The following FBXO10 variants were observed in gnomAD, a reference collection of about 807,000 sequenced individuals.
FBXO10 encodes the protein F-box only protein 10.
FBXO10 carries 39 observed loss-of-function variants against 80.7 expected under a neutral mutation model. The ratio of observed to expected loss-of-function variants is 0.48; its 90% confidence interval spans 0.37 to 0.63. FBXO10 has a LOEUF of 0.63. Ranked by LOEUF, FBXO10 falls within the 30% of genes least tolerant of loss-of-function variation. The probability of loss-of-function intolerance (pLI) is 0.00; values close to 1 mark genes in which losing one functional copy is unlikely to be tolerated. For synonymous variants in FBXO10, 449 were observed against 489.6 expected, an observed-to-expected ratio of 0.92 and a Z score of 1.09; for missense variants, 1,025 against 1,269.0, an observed-to-expected ratio of 0.81 and a Z score of 2.92.
At chr9:37,522,647 T>G (rs532730550) in intron 7 of FBXO10, among the ~76,000 whole-genome samples, 178 bp downstream of exon 7, 1 of 152,246 alleles carries the variant, frequency 6.6e-6, no homozygotes, top group African/African-American at 2.4e-5. Context: ...TGGACTACAA[T>G]GTGATTTGTA....
At chr9:37,568,693 C>CGTGGTCTAAGGTCGGAGTTCAT (rs1216114683) in intron 1 of FBXO10, among the ~76,000 whole-genome samples, 3 of 151,482 alleles carry the variant, frequency 2.0e-5, no homozygotes, top group East Asian at 3.9e-4. Context: ...TCGGAGTTCA[C>CGTGGTCTAAGGTCGGAGTTCAT]GTGGTCTAAG....
chr9:37,573,297 A>T (rs1020922878), intron 1 of FBXO10, among the ~76,000 whole-genome samples: 1 of 152,136 alleles, frequency 6.6e-6, no homozygotes, highest in Non-Finnish European at 1.5e-5. Context: ...CCTAAAAGAG[A>T]ACTCTCCAGG....
intron 1 of FBXO10, among the ~76,000 whole-genome samples, chr9:37,561,120 C>T (rs12338767): frequency 0.041 from 6,197 of 149,590 alleles, 432 homozygotes; most frequent in African/African-American, 0.14. Context: ...CTAGCCTGGG[C>T]GAAAGAGCAA....
rs906042959 is a variant in FBXO10 at position 37,517,958 on chromosome 9, T to C, written c.2514+167A>G. ...AGGACTCAGCTTCTCCGTCCCCCCC[T>C]GTGGGAAGTCCCACCCACATTTCCC... On this transcript the variant is annotated intron_variant, in intron 9 of 10. Transcript: ENST00000432825. Among the ~76,000 whole-genome samples the C allele has an allele frequency of 7.0e-5, 9 of 128,588 alleles. No homozygotes were observed. In the South Asian group the frequency reaches 2.5e-3, roughly 35 times the overall value. 84.4% of individuals were successfully genotyped at this position (128,588 alleles called of 152,430 possible).
intron 10 of FBXO10, among the ~76,000 whole-genome samples, chr9:37,514,464 A>G (rs1052246920): frequency 6.6e-6 from 1 of 152,152 alleles, no homozygotes; most frequent in Non-Finnish European, 1.5e-5. Flanking sequence ...TTTTAACTGT[A>G]TACTTTAAAA....
In FBXO10 at chr9:37,537,130, G is replaced by A. The variant is rs765592304; in HGVS notation, c.1399C>T (p.Arg467Trp). The A allele has an allele frequency of 7.4e-6, 12 of 1,612,244 alleles. No individual in the cohort carries two copies. Among genetic ancestry groups the A allele is most frequent in the African/African-American group, 5.3e-5 (4 of 74,920 alleles). ...NIFRNLTYAVRCIHNSKIIML... is the reference protein window; with the variant it reads ...NIFRNLTYAVWCIHNSKIIML... ...AGCACCTTGCTATTATGTATACACC[G>A]CACTGCGTAAGTCAGGTTCCGGAAG... Residue 467 changes from arginine (R) to tryptophan (W), a missense_variant, in exon 3 of 11, where the codon CGG (arginine) becomes TGG (tryptophan). Physicochemically the swap from Arg to Trp is moderately radical, Grantham distance 101. Around this residue, in one of 3 missense-constraint regions of FBXO10, gnomAD observed 478 missense variants for 667.8 expected, o/e 0.72. Coordinates refer to ENST00000432825, the MANE Select transcript of FBXO10 (RefSeq NM_012166.3).
chr9:37,532,386 C>T (rs960409915), intron 3 of FBXO10, among the ~76,000 whole-genome samples: 19 of 151,448 alleles, frequency 1.3e-4, no homozygotes, highest in Non-Finnish European at 2.1e-4. Flanking sequence ...CTGCAAGCTC[C>T]GCCTCCCAGG....
At chr9:37,558,929 G>A (rs1822405421) in intron 1 of FBXO10, among the ~76,000 whole-genome samples, 2 of 151,796 alleles carry the variant, frequency 1.3e-5, no homozygotes, top group Non-Finnish European at 2.9e-5. Flanking sequence ...TCCTGCCTCA[G>A]CCTCCCGAGT....
chr9:37,561,574 C>G (rs1822484367), intron 1 of FBXO10, among the ~76,000 whole-genome samples: 3 of 152,172 alleles, frequency 2.0e-5, no homozygotes, highest in African/African-American at 7.2e-5. Context: ...GAACCTATTT[C>G]CTTGCCTCTA....
intron 9 of FBXO10, among the ~76,000 whole-genome samples, chr9:37,517,501 G>C (rs932776339): frequency 2.0e-5 from 2 of 99,714 alleles, no homozygotes; most frequent in African/African-American, 1.2e-4. Context: ...GGTGAAGGAA[G>C]AGATACCAAG....
intron 1 of FBXO10, among the ~76,000 whole-genome samples, chr9:37,560,510 C>G (rs1822450817): frequency 6.6e-6 from 1 of 152,148 alleles, no homozygotes; most frequent in African/African-American, 2.4e-5. Flanking sequence ...CAATTGCCCC[C>G]TCTTGACTCC....
chr9:37,515,295 T>G (rs1821154893), intron 10 of FBXO10: 1 of 152,676 alleles, frequency 6.5e-6, no homozygotes, highest in Non-Finnish European at 1.5e-5. Context: ...TGAATTAGGA[T>G]GGGGGCAGTT....
chr9:37,529,092 CA>C, intron 5 of FBXO10, 31 bp downstream of exon 5: 2 of 1,613,048 alleles, frequency 1.2e-6, no homozygotes, highest in Non-Finnish European at 1.7e-6. Context: ...AGGAGGTTAA[CA>C]AAGATGAAGG....
chr9:37,523,573 T>C (rs1821394660), intron 6 of FBXO10, among the ~76,000 whole-genome samples: 1 of 151,894 alleles, frequency 6.6e-6, no homozygotes, highest in Admixed American at 6.6e-5. Flanking sequence ...ATAAACTAGC[T>C]TTGGTGAGTG....
At position 37,541,469 on chromosome 9, in the gene FBXO10, T is replaced by C. The variant is rs753714562; in HGVS notation, c.300A>G (p.Leu100=). 10 of 1,613,862 alleles carry C rather than the reference T, an allele frequency of 6.2e-6. No homozygotes were observed. Among genetic ancestry groups the C allele is most frequent in the South Asian group, 2.2e-5 (2 of 91,092 alleles). The change falls in exon 2 of 11, where the codon CTA becomes CTG. Residue 100 remains leucine, a synonymous_variant. Coordinates refer to ENST00000432825, the MANE Select transcript of FBXO10 (RefSeq NM_012166.3). ...TACGTCGTTCCCTCCTCCGGCGGAA[T>C]AGAGAAAAGCAGATGGAAGACTCCA... ...LDLESSICFS[L]FRRRRERRTL...
At chr9:37,517,039 A>G (rs4878157) in intron 9 of FBXO10, among the ~76,000 whole-genome samples, 69,923 of 151,590 alleles carry the variant, frequency 0.46, 18,467 homozygotes, top group African/African-American at 0.74. Context: ...ATGAAATAAC[A>G]GCCTTTGCAG....
At chr9:37,529,025 C>A (rs1821547094) in intron 5 of FBXO10, 99 bp downstream of exon 5, 1 of 1,482,744 alleles carries the variant, frequency 6.7e-7, no homozygotes, top group South Asian at 1.3e-5. Flanking sequence ...CTCTTCTCTG[C>A]TTGCATCTGT....
intron 1 of FBXO10, among the ~76,000 whole-genome samples, chr9:37,571,032 A>G (rs1238151481): frequency 6.6e-6 from 1 of 152,146 alleles, no homozygotes; most frequent in Non-Finnish European, 1.5e-5. Context: ...TTATATAAGT[A>G]AATATGAAGG....
At chr9:37,515,694 C>A (rs577124726) in intron 10 of FBXO10, 6 of 525,538 alleles carry the variant, frequency 1.1e-5, no homozygotes, top group African/African-American at 7.8e-5. Flanking sequence ...AAACCACATA[C>A]CCCTGACTCT....
Sources: allele counts gnomAD v4.1 joint callset (sites outside exome capture counted in the v4.1 genomes callset), GRCh38; gene constraint gnomAD v4.1.1; regional missense constraint gnomAD v4.1.1; transcripts MANE v1.5; gene names NCBI Gene and HGNC (gene_info 2026-07-23, HGNC 2026-07-21).